Variants in SCML4 observed in about 807,000 individuals in gnomAD.
The protein encoded by SCML4 is Scm polycomb group protein like 4.
In SCML4, 34 loss-of-function variants were observed where a neutral mutation model predicts 41.1. The observed-to-expected ratio is 0.83, with a 90% CI of 0.63 to 1.10. The LOEUF is 1.10. Among genes scored for constraint, SCML4 ranks in the 50% least tolerant of loss-of-function variants. The probability of loss-of-function intolerance (pLI) is 0.00; values close to 1 mark genes in which losing one functional copy is unlikely to be tolerated. For missense variants in SCML4, 522 were observed against 534.1 expected, an observed-to-expected ratio of 0.98 and a Z score of 0.22; for synonymous variants, 214 against 220.9, an observed-to-expected ratio of 0.97 and a Z score of 0.28.
intron 1 of SCML4, among the ~76,000 whole-genome samples, chr6:107,778,222 A>AATATATATATATATAT (rs1163805768): frequency 1.4e-3 from 22 of 15,314 alleles, no homozygotes; most frequent in Non-Finnish European, 2.2e-3. Context: ...AAAAAAAAAA[A>AATATATATATATATAT]ATATATATAT....
intron 1 of SCML4, among the ~76,000 whole-genome samples, chr6:107,802,580 G>GAAGGAAGGA (rs1562272837): frequency 2.7e-5 from 1 of 36,410 alleles, no homozygotes; most frequent in Non-Finnish European, 6.1e-5. Context: ...GGGAGGGAGG[G>GAAGGAAGGA]AGGAAGGAAG....
At chr6:107,792,162 G>C (rs1443763115) in intron 1 of SCML4, among the ~76,000 whole-genome samples, 2 of 152,186 alleles carry the variant, frequency 1.3e-5, no homozygotes, top group Non-Finnish European at 2.9e-5. Context: ...GGATAACACT[G>C]TTGGGTAGAA....
At chr6:107,842,673 C>T in the SCML4 span, among the ~76,000 whole-genome samples, 60 of 152,332 alleles carry the variant, frequency 3.9e-4, no homozygotes, top group Middle Eastern at 3.4e-3. Context: ...GGATTACAGG[C>T]ATGAGCCACT....
At chr6:107,799,478 A>G (rs1279368477) in intron 1 of SCML4, among the ~76,000 whole-genome samples, 1 of 152,192 alleles carries the variant, frequency 6.6e-6, no homozygotes, top group Non-Finnish European at 1.5e-5. Context: ...CTTGTAGCCA[A>G]CATAGTTGGA....
rs936833958 is a variant in SCML4 at position 107,704,639 on chromosome 6, A to G, written c.*561T>C. On this transcript the variant is annotated 3_prime_UTR_variant, in exon 8 of 8. Transcript: ENST00000369020. The stretch of plus-strand genomic sequence containing the variant: ...ACAGTACTTCAGATTTTCTAGGAAC[A>G]GAAAAGATTTTTTTTTTTTTCCTTT... The G allele has an allele frequency of 1.3e-5, 2 of 156,786 alleles. No individual in the cohort carries two copies. Among genetic ancestry groups the G allele is most frequent in the African/African-American group, 4.9e-5 (2 of 41,100 alleles). The allele number at this position is 156,786 out of a possible 1,614,324, so 9.7% of individuals were successfully genotyped here.
At chr6:107,780,961 GT>G (rs149798392) in intron 1 of SCML4, among the ~76,000 whole-genome samples, 23 of 149,718 alleles carry the variant, frequency 1.5e-4, no homozygotes, top group South Asian at 1.5e-3. Flanking sequence ...ATAAGCAATG[GT>G]TTTTTTTTTA....
chr6:107,704,773 G>C lies in SCML4; in HGVS notation c.*427C>G, dbSNP rs868545704. ...AGGCAAACAAGGCTCACATGGATAG[G>C]TCCCCAGGTCAGAGTTAGAGGCAGA... is the stretch of plus-strand genomic sequence containing the variant. On this transcript the variant is annotated 3_prime_UTR_variant, in exon 8 of 8. Coordinates refer to ENST00000369020, the MANE Select transcript of SCML4 (RefSeq NM_198081.5). 4.1e-5 allele frequency: 8 copies of C among 196,572 alleles called. No individual in the cohort carries two copies. Among genetic ancestry groups the C allele is most frequent in the Non-Finnish European group, 7.1e-5 (7 of 99,164 alleles). 12.2% of individuals were successfully genotyped at this position (196,572 alleles called of 1,614,324 possible). A position where few individuals can be genotyped will look rare whatever the true frequency, so the allele number is the denominator to read the frequency against.
intron 1 of SCML4, among the ~76,000 whole-genome samples, chr6:107,805,754 C>A (rs1483955700): frequency 1.3e-5 from 2 of 152,184 alleles, no homozygotes; most frequent in Non-Finnish European, 2.9e-5. Flanking sequence ...GTTTTATAGG[C>A]CCTCAGATCT....
chr6:107,739,792 TA>T (rs983491625), intron 5 of SCML4, among the ~76,000 whole-genome samples: 7 of 152,204 alleles, frequency 4.6e-5, no homozygotes, highest in African/African-American at 1.7e-4. Context: ...AAGGCGATCT[TA>T]AAGAGACAAT....
chr6:107,822,583 A>G (rs1397512405), intron 1 of SCML4, among the ~76,000 whole-genome samples: 1 of 151,502 alleles, frequency 6.6e-6, no homozygotes, highest in Non-Finnish European at 1.5e-5. Flanking sequence ...TATACATGAA[A>G]GAACTGGATT....
intron 7 of SCML4, among the ~76,000 whole-genome samples, chr6:107,705,545 G>A (rs989457602): frequency 6.6e-6 from 1 of 152,052 alleles, no homozygotes; most frequent in African/African-American, 2.4e-5. Flanking sequence ...TTTGATACAC[G>A]GGGTGTTTCA....
At chr6:107,806,662 A>G (rs901241838) in intron 1 of SCML4, among the ~76,000 whole-genome samples, 3 of 152,168 alleles carry the variant, frequency 2.0e-5, no homozygotes, top group Non-Finnish European at 2.9e-5. Flanking sequence ...TTAGTCCCCA[A>G]CCCAACCTTG....
chr6:107,825,667 G>A (rs956891549), upstream of SCML4, among the ~76,000 whole-genome samples: 9 of 152,198 alleles, frequency 5.9e-5, no homozygotes, highest in African/African-American at 2.2e-4. Context: ...TGGGCCAGGT[G>A]CAGTGGCTCA....
intron 1 of SCML4, among the ~76,000 whole-genome samples, chr6:107,798,603 G>T: frequency 6.6e-6 from 1 of 151,878 alleles, no homozygotes; most frequent in Admixed American, 6.6e-5. Flanking sequence ...ATTGATTTTT[G>T]TTCTTAATTT....
intron 1 of SCML4, among the ~76,000 whole-genome samples, chr6:107,813,375 TA>T (rs1784317218): frequency 1.2e-4 from 2 of 16,470 alleles, no homozygotes; most frequent in African/African-American, 9.2e-5. Context: ...AAAAATTATA[TA>T]TATATATATA....
chr6:107,813,874 C>T (rs1202095083), intron 1 of SCML4, among the ~76,000 whole-genome samples: 1 of 152,176 alleles, frequency 6.6e-6, no homozygotes, highest in Non-Finnish European at 1.5e-5. Context: ...GTTCTTCACC[C>T]ATGTGTCTGA....
chr6:107,752,710 A>T (rs543649897), intron 2 of SCML4, among the ~76,000 whole-genome samples: 1 of 152,340 alleles, frequency 6.6e-6, no homozygotes, highest in East Asian at 1.9e-4. Flanking sequence ...GCAGTTTATC[A>T]ACAAGAAAGG....
intron 2 of SCML4, among the ~76,000 whole-genome samples, 191 bp downstream of exon 2, chr6:107,771,981 C>G (rs566024590): frequency 6.6e-6 from 1 of 152,288 alleles, no homozygotes; most frequent in South Asian, 2.1e-4. Flanking sequence ...AAAATGCACA[C>G]GACAGCATGC....
At chr6:107,838,528 A>G in the SCML4 span, among the ~76,000 whole-genome samples, 1 of 152,178 alleles carries the variant, frequency 6.6e-6, no homozygotes, top group African/African-American at 2.4e-5. Context: ...AAATAAATCT[A>G]AATCATCACC....
Sources: gnomAD v4.1 joint callset for allele counts (sites outside exome capture counted in the v4.1 genomes callset) on GRCh38, gnomAD v4.1.1 for gene constraint, MANE v1.5 for transcripts, NCBI Gene and HGNC (gene_info 2026-07-23, HGNC 2026-07-21) for gene names.